Variants in FAM186A observed in about 807,000 individuals in gnomAD.
FAM186A encodes protein FAM186A.
FAM186A carries 163 observed loss-of-function variants against 216.8 expected under a neutral mutation model. The observed-to-expected ratio is 0.75, with a 90% confidence interval of 0.66 to 0.86. FAM186A has a LOEUF of 0.86. Ranked by LOEUF, FAM186A falls within the 40% of genes least tolerant of loss-of-function variation. The pLI, the probability that FAM186A is intolerant of heterozygous loss-of-function variation, is 0.00. For synonymous variants in FAM186A, 805 were observed against 1,025.3 expected (o/e 0.79, Z 4.10); for missense variants, 2,184 against 2,746.2 (o/e 0.80, Z 4.58).
chr12:50,365,097 G>A (rs1943075425), intron 1 of FAM186A, among the ~76,000 whole-genome samples: 1 of 149,084 alleles, frequency 6.7e-6, no homozygotes, highest in African/African-American at 2.5e-5. Flanking sequence ...ATGATACACT[G>A]CAATTTCCAG....
At position 50,351,551 on chromosome 12, in the gene FAM186A, G is replaced by T; in HGVS notation, c.5281C>A (p.Gln1761Lys). The part of the protein sequence containing the change: ...SIFGVSSTPL[Q>K]ISRVPLNQGP... ...TGGTTGAGGGGAACCCTTGATATCT[G>T]CAAAGGAGTAGAAGAGACCCCGAAT... The change falls in exon 4 of 8, where the codon CAG becomes AAG. Residue 1761 changes from glutamine (Q) to lysine (K), a missense_variant. Gln to Lys is a moderately conservative substitution (Grantham distance 53, BLOSUM62 1). Transcript: ENST00000327337. The T allele has an allele frequency of 6.5e-7, 1 of 1,543,330 alleles. No homozygotes were observed. The highest frequency in any genetic ancestry group is 8.7e-7 in the Non-Finnish European group (1 of 1,143,300).
At chr12:50,386,393 G>C (rs1943303803) in intron 1 of FAM186A, among the ~76,000 whole-genome samples, 1 of 152,134 alleles carries the variant, frequency 6.6e-6, no homozygotes, top group Non-Finnish European at 1.5e-5. Flanking sequence ...TTGCACTCCA[G>C]CCTGAGAGAC....
chr12:50,385,197 A>C (rs1296803083), intron 1 of FAM186A, among the ~76,000 whole-genome samples: 1 of 150,444 alleles, frequency 6.6e-6, no homozygotes, highest in African/African-American at 2.4e-5. Flanking sequence ...AGGTGGGTGG[A>C]TCATGAGGTC....
intron 2 of FAM186A, 93 bp from the exon 3 acceptor site, chr12:50,361,019 G>T: frequency 2.3e-6 from 2 of 885,150 alleles, no homozygotes; most frequent in Non-Finnish European, 3.2e-6. Context: ...ACTCAATACA[G>T]TAATATTGGG....
intron 1 of FAM186A, among the ~76,000 whole-genome samples, chr12:50,383,448 T>G (rs886538418): frequency 1.3e-5 from 2 of 151,106 alleles, no homozygotes; most frequent in Non-Finnish European, 3.0e-5. Context: ...TACAAAAAAT[T>G]AGCTGGGCGT....
intron 4 of FAM186A, among the ~76,000 whole-genome samples, chr12:50,336,673 A>T (rs976339609): frequency 6.6e-6 from 1 of 152,142 alleles, no homozygotes; most frequent in Admixed American, 6.6e-5. Flanking sequence ...AAGGTAAGAA[A>T]ACGAAAGTTA....
intron 1 of FAM186A, among the ~76,000 whole-genome samples, chr12:50,370,055 C>T (rs1030087529): frequency 8.0e-6 from 1 of 124,432 alleles, no homozygotes; most frequent in Non-Finnish European, 1.6e-5. Context: ...ACCCGGGAGG[C>T]GGAGCTTGCA....
chr12:50,369,692 A>C (rs1943123445), intron 1 of FAM186A, among the ~76,000 whole-genome samples: 1 of 151,868 alleles, frequency 6.6e-6, no homozygotes, highest in South Asian at 2.1e-4. Flanking sequence ...AAGAAAAACC[A>C]AAAAACCCAA....
At chr12:50,391,479 C>CTAATTTTTG (rs1166208089) in intron 1 of FAM186A, among the ~76,000 whole-genome samples, 5 of 151,276 alleles carry the variant, frequency 3.3e-5, no homozygotes, top group Admixed American at 2.6e-4. Flanking sequence ...CCATGCCCGG[C>CTAATTTTTG]TAATTTTTGT....
Position 50,379,168 on chromosome 12 carries a change from C to T in FAM186A, c.193-15804G>A, listed in dbSNP as rs755300399. Among the ~76,000 whole-genome samples, 19 of 151,972 alleles carry T rather than the reference C, an allele frequency of 1.3e-4. No individual in the cohort carries two copies. In the East Asian group the frequency reaches 3.3e-3, roughly 26 times the overall value. ...AAAAATACAAAAATTGGGCCGGGCA[C>T]GGTGGCTCACGCCTGTAATCCCAGC... On this transcript the variant is annotated intron_variant, in intron 1 of 7. Coordinates refer to ENST00000327337, the MANE Select transcript of FAM186A (RefSeq NM_001145475.3).
At chr12:50,338,406 G>A (rs1002567583) in intron 4 of FAM186A, among the ~76,000 whole-genome samples, 1 of 152,102 alleles carries the variant, frequency 6.6e-6, no homozygotes, top group African/African-American at 2.4e-5. Flanking sequence ...TCACCATGTT[G>A]GCTAGGCTGG....
chr12:50,388,383 A>C (rs2136107584), intron 1 of FAM186A, among the ~76,000 whole-genome samples: 1 of 152,204 alleles, frequency 6.6e-6, no homozygotes, highest in South Asian at 2.1e-4. Context: ...TTTGGGAGGC[A>C]GAGGCGGGAG....
chr12:50,365,731 G>A (rs1191384759), intron 1 of FAM186A: 1 of 752,778 alleles, frequency 1.3e-6, no homozygotes, highest in East Asian at 2.4e-5. Context: ...CACATTCGCA[G>A]GAAGATTATG....
rs1223115458 is a variant in FAM186A, at chr12:50,330,600, C to T, written c.7007G>A (p.Arg2336Gln). ...TGATTGGAGGGATGCAAGAGATTTT[C>T]GGAAGGTAGACTGCACTTCTAACTG... The part of the protein sequence containing the change: ...LLQLEVQSTF[R>Q]KSLASLQSRV... Residue 2336 changes from arginine (R) to glutamine (Q), a missense_variant, in exon 7 of 8, where the codon CGA (arginine) becomes CAA (glutamine). By Grantham distance (43) the Arg-to-Gln change is conservative. Coordinates refer to ENST00000327337, the MANE Select transcript of FAM186A (RefSeq NM_001145475.3). The T allele has an allele frequency of 2.4e-5, 37 of 1,550,534 alleles. No homozygotes were observed. The highest frequency in any genetic ancestry group is 3.1e-5 in the Non-Finnish European group (35 of 1,146,534).
intron 2 of FAM186A, among the ~76,000 whole-genome samples, chr12:50,361,860 C>T (rs1943039212): frequency 2.0e-5 from 3 of 152,032 alleles, no homozygotes; most frequent in African/African-American, 4.8e-5. Flanking sequence ...CATGAGCCAC[C>T]GCGCCCGGCC....
chr12:50,376,860 C>G (rs1943203177), intron 1 of FAM186A, among the ~76,000 whole-genome samples: 1 of 152,040 alleles, frequency 6.6e-6, no homozygotes, highest in African/African-American at 2.4e-5. Context: ...TCCTCCTTCA[C>G]CTCCCAAGTA....
At chr12:50,348,601 G>A (rs921041827) in intron 4 of FAM186A, among the ~76,000 whole-genome samples, 8 of 151,508 alleles carry the variant, frequency 5.3e-5, no homozygotes, top group East Asian at 1.9e-4. Flanking sequence ...GCTCTGCCCC[G>A]CTGGCTGGAG....
intron 1 of FAM186A, among the ~76,000 whole-genome samples, chr12:50,386,486 T>C (rs1341815985): frequency 6.6e-6 from 1 of 152,108 alleles, no homozygotes; most frequent in African/African-American, 2.4e-5. Context: ...ATTAAGTAGT[T>C]GGATCTAGCC....
chr12:50,358,138 A>G (rs1169424975), intron 3 of FAM186A, among the ~76,000 whole-genome samples: 1 of 152,128 alleles, frequency 6.6e-6, no homozygotes, highest in African/African-American at 2.4e-5. Context: ...TTAGTACAAT[A>G]CTAAAATCAT....
Sources: gnomAD v4.1 joint callset for allele counts (sites outside exome capture counted in the v4.1 genomes callset) on GRCh38, gnomAD v4.1.1 for gene constraint, MANE v1.5 for transcripts, NCBI Gene and HGNC (gene_info 2026-07-23, HGNC 2026-07-21) for gene names.